AGL: variants seen among roughly 807,000 people sequenced by gnomAD.
AGL encodes the protein amylo-alpha-1,6-glucosidase and 4-alpha-glucanotransferase.
Under a neutral mutation model 199.3 loss-of-function variants are expected in AGL, and 128 were observed. That is an observed-to-expected ratio of 0.64 (90% confidence interval 0.56 to 0.74). The LOEUF is 0.74. AGL is among the 30% of genes least tolerant of loss of function. The pLI, the probability that AGL is intolerant of heterozygous loss-of-function variation, is 0.00. For synonymous variants in AGL, 584 were observed against 594.7 expected (o/e 0.98, Z 0.26); for missense variants, 1,809 against 1,820.8 (o/e 0.99, Z 0.12).
chr1:99,877,620 A>C (rs776781910), intron 11 of AGL, 21 bp from the exon 12 acceptor site: 1 of 1,611,866 alleles, frequency 6.2e-7, no homozygotes, highest in Non-Finnish European at 8.5e-7. Context: ...AACCATTGAA[A>C]GCAATCTCTT....
At chr1:99,856,468 A>C (rs1001414078) in intron 2 of AGL, among the ~76,000 whole-genome samples, 2 of 138,034 alleles carry the variant, frequency 1.4e-5, no homozygotes, top group African/African-American at 2.8e-5. Flanking sequence ...ATTTTTATTG[A>C]TCATTCTTGG....
At chr1:99,880,379 A>G (rs1458794245) in intron 13 of AGL, among the ~76,000 whole-genome samples, 2 of 152,192 alleles carry the variant, frequency 1.3e-5, no homozygotes, top group Admixed American at 1.3e-4. Flanking sequence ...TTTATAATCA[A>G]TTTTGTATAG....
intron 20 of AGL, among the ~76,000 whole-genome samples, chr1:99,885,190 A>G (rs753689221): frequency 5.3e-5 from 8 of 152,068 alleles, no homozygotes; most frequent in Non-Finnish European, 1.2e-4. Context: ...TTCCCTTTCT[A>G]GATGTTTCTG....
At chr1:99,865,135 A>G (rs979387566) in intron 5 of AGL, among the ~76,000 whole-genome samples, 1 of 152,144 alleles carries the variant, frequency 6.6e-6, no homozygotes, top group Non-Finnish European at 1.5e-5. Context: ...TAGCCTGCTC[A>G]GTTATCAGAT....
intron 31 of AGL, among the ~76,000 whole-genome samples, chr1:99,915,708 CTG>C (rs1210875605): frequency 6.6e-6 from 1 of 151,912 alleles, no homozygotes; most frequent in Non-Finnish European, 1.5e-5. Flanking sequence ...GAGATCAAGG[CTG>C]TAGTGAGCTA....
In AGL at chr1:99,893,726, A is replaced by G. The variant is rs547422790; in HGVS notation, c.3259+1119A>G. Reference sequence around the variant, plus strand: ...AAATAAAAACTAAAAAATTAAGTTGATAAACAAATACAAATAGAAGTGTGA... The same window carrying G: ...AAATAAAAACTAAAAAATTAAGTTGGTAAACAAATACAAATAGAAGTGTGA... On this transcript the variant is annotated intron_variant, in intron 24 of 33. Coordinates refer to ENST00000361915, the MANE Select transcript of AGL (RefSeq NM_000642.3). Among the ~76,000 whole-genome samples the G allele has an allele frequency of 4.6e-5, 7 of 152,384 alleles. No homozygotes were observed. The South Asian group carries it at 1.4e-3, about 32-fold the overall frequency.
intron 26 of AGL, among the ~76,000 whole-genome samples, chr1:99,902,302 C>T (rs1249987267): frequency 6.6e-6 from 1 of 152,082 alleles, no homozygotes; most frequent in East Asian, 1.9e-4. Context: ...ATAATTTACC[C>T]CCATTACCTG....
intron 24 of AGL, among the ~76,000 whole-genome samples, chr1:99,894,990 A>T (rs181417091): frequency 3.2e-4 from 49 of 152,302 alleles, no homozygotes; most frequent in African/African-American, 1.1e-3. Flanking sequence ...AATGCTGTGT[A>T]TATTTTATTT....
In AGL at chr1:99,870,776, T is replaced by C. The variant is rs1266588758; in HGVS notation, c.865T>C (p.Trp289Arg). 1 of 1,606,052 alleles carries C rather than the reference T, an allele frequency of 6.2e-7. No individual in the cohort carries two copies. The highest frequency in any genetic ancestry group is 8.5e-7 in the Non-Finnish European group (1 of 1,172,996). ...HHMNSIRKII[W>R]EDIFPKLKLW... ...TTTTCAGTCCATCCGAAAAATAATT[T>C]GGGAGGATATTTTTCCAAAGCTTAA... Residue 289 changes from tryptophan to arginine, a missense_variant, in exon 7 of 34, where the codon TGG becomes CGG. Trp to Arg is a moderately radical substitution (Grantham distance 101, BLOSUM62 -3). Coordinates refer to ENST00000361915, the MANE Select transcript of AGL (RefSeq NM_000642.3).
intron 26 of AGL, 85 bp downstream of exon 26, chr1:99,900,946 A>G (rs1653789705): frequency 3.3e-6 from 4 of 1,202,378 alleles, no homozygotes; most frequent in Admixed American, 1.9e-5. Flanking sequence ...AAATAAGGGT[A>G]ATTAAGAATC....
intron 5 of AGL, among the ~76,000 whole-genome samples, chr1:99,865,097 A>G (rs1330006639): frequency 6.6e-6 from 1 of 152,198 alleles, no homozygotes; most frequent in East Asian, 1.9e-4. Flanking sequence ...TCCATGCTGT[A>G]AATACTACCT....
At position 99,922,813 on chromosome 1, in the gene AGL, C is replaced by T. The variant is rs1383302254; in HGVS notation, c.*1162C>T. 1 of 151,778 alleles carries T rather than the reference C, an allele frequency of 6.6e-6. No individual in the cohort carries two copies. Among genetic ancestry groups the T allele is most frequent in the African/African-American group, 2.4e-5 (1 of 41,352 alleles). 9.4% of individuals were successfully genotyped at this position (151,778 alleles called of 1,614,324 possible). On this transcript the variant is annotated 3_prime_UTR_variant, in exon 34 of 34. Transcript: ENST00000361915. ...AGTAGTGGCAAGAATTCTTTCATTG[C>T]TATATAATATTCAGTGGCTCATTTA...
chr1:99,915,675 G>GC (rs1240892422), intron 31 of AGL, among the ~76,000 whole-genome samples, 189 bp downstream of exon 31: 1 of 151,882 alleles, frequency 6.6e-6, no homozygotes, highest in African/African-American at 2.4e-5. Context: ...GGAGGCTAAG[G>GC]CAGGAGTATC....
intron 24 of AGL, among the ~76,000 whole-genome samples, chr1:99,895,952 G>T (rs546343433): frequency 1.4e-4 from 22 of 152,306 alleles, no homozygotes; most frequent in African/African-American, 5.3e-4. Context: ...CTCCAGCCTG[G>T]ACAACAGAGC....
intron 12 of AGL, among the ~76,000 whole-genome samples, chr1:99,879,023 T>C (rs1292006332): frequency 6.6e-6 from 1 of 152,176 alleles, no homozygotes; most frequent in Non-Finnish European, 1.5e-5. Flanking sequence ...TGTTTAACAG[T>C]TTGGAACCAA....
chr1:99,852,660 G>A (rs1320583587), intron 2 of AGL: 1 of 773,416 alleles, frequency 1.3e-6, no homozygotes, highest in African/African-American at 1.7e-5. Context: ...ACAAGCATAA[G>A]CCACCGGGCA....
chr1:99,868,825 CTTTT>C (rs374175804), intron 5 of AGL, among the ~76,000 whole-genome samples: 5 of 135,494 alleles, frequency 3.7e-5, no homozygotes, highest in Admixed American at 7.5e-5. Flanking sequence ...GGTATTTACT[CTTTT>C]TTTTTTTTTT....
At chr1:99,871,496 T>G (rs2101115973) in intron 7 of AGL, among the ~76,000 whole-genome samples, 1 of 151,032 alleles carries the variant, frequency 6.6e-6, no homozygotes, top group South Asian at 2.1e-4. Flanking sequence ...GAAAGGATTA[T>G]TAAGAGTCTA....
At chr1:99,856,010 C>T (rs1461224912) in intron 2 of AGL, among the ~76,000 whole-genome samples, 3 of 152,222 alleles carry the variant, frequency 2.0e-5, no homozygotes, top group South Asian at 2.1e-4. Context: ...AGTTTAATCA[C>T]TCATTATGCT....
Sources: gnomAD v4.1 joint callset for allele counts (sites outside exome capture counted in the v4.1 genomes callset) on GRCh38, gnomAD v4.1.1 for gene constraint, MANE v1.5 for transcripts, NCBI Gene and HGNC (gene_info 2026-07-23, HGNC 2026-07-21) for gene names.